Variants in GRIA1 observed in about 807,000 individuals in gnomAD.
GRIA1 encodes the protein glutamate ionotropic receptor AMPA type subunit 1.
In GRIA1, 31 loss-of-function variants were observed where a neutral mutation model predicts 99.2. That is an observed-to-expected ratio of 0.31 (90% confidence interval 0.23 to 0.42). The LOEUF (loss-of-function observed/expected upper bound fraction) is 0.42, where lower values mean the gene tolerates loss of function less well. Among genes scored for constraint, GRIA1 ranks in the 10% least tolerant of loss-of-function variants. The pLI, the probability that GRIA1 is intolerant of heterozygous loss-of-function variation, is 1.00. For missense variants in GRIA1, 782 were observed against 1,157.5 expected (o/e 0.68, Z 4.71); for synonymous variants, 438 against 432.4 (o/e 1.01, Z -0.16).
intron 2 of GRIA1, among the ~76,000 whole-genome samples, chr5:153,601,590 T>C (rs1219663426): frequency 6.6e-6 from 1 of 152,198 alleles, no homozygotes; most frequent in Non-Finnish European, 1.5e-5. Context: ...CACCTCTCTA[T>C]TCAACACCAG....
intron 11 of GRIA1, among the ~76,000 whole-genome samples, chr5:153,733,927 C>G (rs906324641): frequency 2.6e-5 from 4 of 152,108 alleles, no homozygotes; most frequent in East Asian, 1.9e-4. Context: ...TTCAAGACCC[C>G]ACTTTCAACA....
At chr5:153,542,720 CT>C in intron 2 of GRIA1, among the ~76,000 whole-genome samples, 1 of 152,328 alleles carries the variant, frequency 6.6e-6, no homozygotes, top group South Asian at 2.1e-4. Flanking sequence ...ATTTCATTTT[CT>C]ATGATTCATC....
At chr5:153,587,258 C>A (rs2149382322) in intron 2 of GRIA1, among the ~76,000 whole-genome samples, 1 of 152,150 alleles carries the variant, frequency 6.6e-6, no homozygotes, top group Non-Finnish European at 1.5e-5. Context: ...GCACCTCCCC[C>A]ACCACCCTCT....
intron 11 of GRIA1, among the ~76,000 whole-genome samples, chr5:153,706,842 C>A (rs1202095919): frequency 2.0e-5 from 3 of 152,148 alleles, no homozygotes; most frequent in Non-Finnish European, 4.4e-5. Flanking sequence ...CGCCTGTAAT[C>A]CTAGCACTTT....
intron 5 of GRIA1, among the ~76,000 whole-genome samples, chr5:153,672,725 G>A (rs1227665899): frequency 6.6e-6 from 1 of 152,150 alleles, no homozygotes; most frequent in Non-Finnish European, 1.5e-5. Context: ...TCCCAAGAGG[G>A]AGCTGGGACC....
chr5:153,697,729 T>C (rs985449108), intron 8 of GRIA1, among the ~76,000 whole-genome samples: 1 of 152,168 alleles, frequency 6.6e-6, no homozygotes, highest in Non-Finnish European at 1.5e-5. Context: ...CTGCAGGGAA[T>C]TAAATCCCAT....
intron 14 of GRIA1, among the ~76,000 whole-genome samples, chr5:153,798,951 T>C (rs1280079364): frequency 6.6e-6 from 1 of 152,154 alleles, no homozygotes; most frequent in African/African-American, 2.4e-5. Context: ...CTCGTCACCA[T>C]TCGTCACCAT....
chr5:153,724,950 T>C (rs1184604861), intron 11 of GRIA1, among the ~76,000 whole-genome samples: 2 of 152,106 alleles, frequency 1.3e-5, no homozygotes, highest in Non-Finnish European at 2.9e-5. Flanking sequence ...AATTGTCAGA[T>C]ACACCAAAGT....
chr5:153,705,725 C>G lies in GRIA1; in HGVS notation c.1481C>G (p.Thr494Ser). The G allele has an allele frequency of 1.8e-6, 1 of 561,756 alleles. No homozygotes were observed. Among genetic ancestry groups the G allele is most frequent in the Non-Finnish European group, 3.1e-6 (1 of 318,608 alleles). 34.8% of individuals were successfully genotyped at this position (561,756 alleles called of 1,614,324 possible). Residue 494 changes from threonine to serine, a missense_variant, in exon 11 of 16, where the codon ACT becomes AGT. This residue lies in a region of GRIA1 where 87 missense variants were observed against 184.5 expected (regional missense o/e 0.47). Transcript: ENST00000285900. ...GCAGATGTGGCTGTGGCTCCCTTAA[C>G]TATCACTTTGGTCCGGGAAGAAGTT... Reference protein sequence around the residue: ...GRADVAVAPLTITLVREEVID... With the variant: ...GRADVAVAPLSITLVREEVID...
chr5:153,631,797 G>A (rs1752987019), intron 2 of GRIA1, among the ~76,000 whole-genome samples: 1 of 152,126 alleles, frequency 6.6e-6, no homozygotes, highest in African/African-American at 2.4e-5. Context: ...TTCTGTGAAG[G>A]ATACAAACTA....
At chr5:153,707,901 G>C (rs1268832629) in intron 11 of GRIA1, among the ~76,000 whole-genome samples, 3 of 152,072 alleles carry the variant, frequency 2.0e-5, no homozygotes, top group African/African-American at 7.2e-5. Flanking sequence ...AGAGTAGAGA[G>C]AACCAAGCAG....
At chr5:153,491,385 G>A in intron 1 of GRIA1, 1 of 766,304 alleles carries the variant, frequency 1.3e-6, no homozygotes, top group South Asian at 5.3e-5. Context: ...TATTACATAT[G>A]CACATATATA....
chr5:153,743,747 G>C (rs12054909), intron 11 of GRIA1, among the ~76,000 whole-genome samples: 61,535 of 152,064 alleles, frequency 0.4, 13,756 homozygotes, highest in East Asian at 0.94. Context: ...ATTAATAAAC[G>C]TAATTACATG....
Position 153,490,837 on chromosome 5 carries a change from A to G in GRIA1, c.-52A>G. ...AGAATAAAGGGAAAGGGGGGGAAAC[A>G]CCAAATCTATGATTGGACCTGGGCT... On this transcript the variant is annotated 5_prime_UTR_variant, in exon 1 of 16. Transcript: ENST00000285900. 1 of 1,337,376 alleles carries G rather than the reference A, an allele frequency of 7.5e-7. No individual in the cohort carries two copies. The highest frequency in any genetic ancestry group is 1.2e-5 in the South Asian group (1 of 85,446). The allele number at this position is 1,337,376 out of a possible 1,614,324, so 82.8% of individuals were successfully genotyped here.
rs1200549083 is a variant in GRIA1, at chr5:153,655,880, G to A, written c.699+8G>A. 2 of 1,612,170 alleles carry A rather than the reference G, an allele frequency of 1.2e-6. No homozygotes were observed. Among genetic ancestry groups the A allele is most frequent in the Admixed American group, 3.3e-5 (2 of 59,974 alleles). On this transcript the variant is annotated splice_region_variant and intron_variant, in intron 5 of 15. Coordinates refer to ENST00000285900, the MANE Select transcript of GRIA1 (RefSeq NM_000827.4). Reference sequence around the variant, plus strand: ...TACATTCTTGCAAATCTGGTGAGTAGAGCACTGCAGGCTCTCAGCTCAAGT... The same window carrying A: ...TACATTCTTGCAAATCTGGTGAGTAAAGCACTGCAGGCTCTCAGCTCAAGT...
intron 5 of GRIA1, among the ~76,000 whole-genome samples, chr5:153,668,216 C>T (rs1755888089): frequency 6.6e-6 from 1 of 152,138 alleles, no homozygotes; most frequent in Admixed American, 6.6e-5. Flanking sequence ...GGCCATATAA[C>T]CTTAAGCCAC....
intron 11 of GRIA1, among the ~76,000 whole-genome samples, chr5:153,720,952 G>A (rs1013615563): frequency 3.3e-5 from 5 of 152,198 alleles, no homozygotes; most frequent in South Asian, 2.1e-4. Context: ...AAGTTCAGGT[G>A]TATCCTGGGC....
chr5:153,567,855 T>C (rs1038029755), intron 2 of GRIA1, among the ~76,000 whole-genome samples: 8 of 151,836 alleles, frequency 5.3e-5, no homozygotes, highest in African/African-American at 1.9e-4. Context: ...AATAGAGAGG[T>C]AGGCTGGGGT....
chr5:153,538,015 G>A (rs897057592), intron 2 of GRIA1, among the ~76,000 whole-genome samples: 2 of 152,164 alleles, frequency 1.3e-5, no homozygotes, highest in South Asian at 2.1e-4. Context: ...GAAAGGCAAG[G>A]AGGAGCTGGG....
Sources: allele counts gnomAD v4.1 joint callset (sites outside exome capture counted in the v4.1 genomes callset), GRCh38; gene constraint gnomAD v4.1.1; regional missense constraint gnomAD v4.1.1; transcripts MANE v1.5; gene names NCBI Gene and HGNC (gene_info 2026-07-23, HGNC 2026-07-21).